Variants in ADARB2 observed in about 807,000 individuals in gnomAD.
The protein encoded by ADARB2 is inactive double-stranded RNA-specific editase B2.
A neutral mutation model predicts 62.2 loss-of-function variants in ADARB2; 25 were observed. The ratio of observed to expected loss-of-function variants is 0.40; its 90% CI spans 0.29 to 0.56. ADARB2 has a LOEUF of 0.56. Among genes scored for constraint, ADARB2 ranks in the 20% least tolerant of loss-of-function variants. The pLI is 0.43. For missense variants in ADARB2, 1,071 were observed against 1,077.4 expected, an observed-to-expected ratio of 0.99 and a Z score of 0.08; for synonymous variants, 572 against 500.8, an observed-to-expected ratio of 1.14 and a Z score of -1.90.
chr10:1,326,876 GGCACAGCGCCTCCCCACT>G (rs1831858555), intron 3 of ADARB2, among the ~76,000 whole-genome samples: 2 of 23,026 alleles, frequency 8.7e-5, no homozygotes, highest in Non-Finnish European at 1.8e-4. Flanking sequence ...GCCTCCCCAC[GGCACAGCGCCTCCCCACT>G]GCCCAGCGCC....
chr10:1,274,450 G>A (rs1282962914), intron 3 of ADARB2, among the ~76,000 whole-genome samples: 1 of 152,174 alleles, frequency 6.6e-6, no homozygotes, highest in Admixed American at 6.5e-5. Context: ...CCAATGACGT[G>A]TGTAGCTCTT....
chr10:1,209,451 A>T (rs1241102404), intron 7 of ADARB2, among the ~76,000 whole-genome samples: 1 of 141,902 alleles, frequency 7.0e-6, no homozygotes, highest in Non-Finnish European at 1.5e-5. Context: ...AGCCTGGCCC[A>T]CACCCACACC....
intron 1 of ADARB2, among the ~76,000 whole-genome samples, chr10:1,534,137 G>GT (rs11431049): frequency 0.21 from 29,249 of 136,908 alleles, 3,258 homozygotes; most frequent in Non-Finnish European, 0.25. Flanking sequence ...CATTGAAATA[G>GT]TTTTTTTTTT....
chr10:1,572,469 C>T (rs966411604), intron 1 of ADARB2, among the ~76,000 whole-genome samples: 1 of 152,100 alleles, frequency 6.6e-6, no homozygotes, highest in Non-Finnish European at 1.5e-5. Flanking sequence ...TGCCCTTTCT[C>T]GTCCATCTGA....
At chr10:1,347,757 C>G (rs148135197) in intron 3 of ADARB2, among the ~76,000 whole-genome samples, 1 of 152,174 alleles carries the variant, frequency 6.6e-6, no homozygotes, top group African/African-American at 2.4e-5. Flanking sequence ...CTGGACCCCA[C>G]GTACGCAGTG....
intron 1 of ADARB2, among the ~76,000 whole-genome samples, chr10:1,502,198 G>T (rs1156638715): frequency 6.6e-6 from 1 of 152,228 alleles, no homozygotes; most frequent in Non-Finnish European, 1.5e-5. Context: ...CTCAGTGGGG[G>T]CCCGGCCCCT....
rs557737372 is a variant in ADARB2 at position 1,695,741 on chromosome 10, T to C, written c.100+41310A>G. On this transcript the variant is annotated intron_variant, in intron 1 of 9. Transcript: ENST00000381312. The stretch of plus-strand genomic sequence containing the variant: ...ATGTATGTGAGACCATGCATGTGTA[T>C]GTATACATGGAAACATGCATGTGTA... Among the ~76,000 whole-genome samples the C allele has an allele frequency of 8.9e-4, 135 of 152,274 alleles. 1 individual carries two copies. Among genetic ancestry groups the C allele is most frequent in the Middle Eastern group, 3.4e-3 (1 of 292 alleles).
chr10:1,527,609 T>C (rs537530091), intron 1 of ADARB2, among the ~76,000 whole-genome samples: 2 of 152,352 alleles, frequency 1.3e-5, no homozygotes, highest in African/African-American at 4.8e-5. Flanking sequence ...GTAAAAAGAC[T>C]TGATATACAT....
intron 3 of ADARB2, among the ~76,000 whole-genome samples, chr10:1,356,708 G>A (rs1461354662): frequency 6.6e-6 from 1 of 152,162 alleles, no homozygotes; most frequent in Non-Finnish European, 1.5e-5. Flanking sequence ...GATGAAAAAT[G>A]GCACACACTG....
intron 3 of ADARB2, among the ~76,000 whole-genome samples, chr10:1,306,362 G>A (rs1176876027): frequency 3.3e-5 from 5 of 151,796 alleles, no homozygotes; most frequent in African/African-American, 9.7e-5. Context: ...GGGATGTGAA[G>A]GACCTCTTCA....
chr10:1,719,363 C>A (rs1369702784), intron 1 of ADARB2, among the ~76,000 whole-genome samples: 3 of 152,206 alleles, frequency 2.0e-5, no homozygotes, highest in Non-Finnish European at 4.4e-5. Flanking sequence ...ACCACTGATT[C>A]TTCTCTCATG....
chr10:1,685,884 G>A lies in ADARB2; in HGVS notation c.100+51167C>T, dbSNP rs181040810. On this transcript the variant is annotated intron_variant, in intron 1 of 9. Coordinates refer to ENST00000381312, the MANE Select transcript of ADARB2 (RefSeq NM_018702.4). Reference sequence around the variant, plus strand: ...CTTCAGCCCTCCAGTGGGGGAGGCTGAGTATGTGCAGGGCGGACGTGGCTG... The same window carrying A: ...CTTCAGCCCTCCAGTGGGGGAGGCTAAGTATGTGCAGGGCGGACGTGGCTG... 3.9e-5 allele frequency among the ~76,000 whole-genome samples: 6 copies of A among 152,324 alleles called. No homozygotes were observed. In the East Asian group the frequency reaches 9.7e-4, roughly 25 times the overall value.
At chr10:1,445,904 T>C (rs72762988) in intron 1 of ADARB2, among the ~76,000 whole-genome samples, 10,949 of 152,298 alleles carry the variant, frequency 0.072, 608 homozygotes, top group East Asian at 0.23. Context: ...TAGTGGGTCA[T>C]TCAATATTTT....
At chr10:1,413,395 TTCATCA>T (rs1832775384) in intron 1 of ADARB2, among the ~76,000 whole-genome samples, 1 of 152,076 alleles carries the variant, frequency 6.6e-6, no homozygotes, top group South Asian at 2.1e-4. Context: ...GAAAGTCTAT[TTCATCA>T]TGCCCAAGCT....
intron 4 of ADARB2, among the ~76,000 whole-genome samples, chr10:1,257,465 G>C (rs1173939712): frequency 1.3e-5 from 2 of 152,194 alleles, no homozygotes; most frequent in Non-Finnish European, 2.9e-5. Flanking sequence ...TTCAGGGTCA[G>C]CACTCAGGGA....
In ADARB2 at chr10:1,255,444, A is replaced by T. The variant is rs78521932; in HGVS notation, c.1193-13145T>A. ...CTGCTCACTCCACATAACATACAAC[A>T]CGACAAAGGCATTGAGAGAGCCCAG... On this transcript the variant is annotated intron_variant, in intron 4 of 9. Coordinates refer to ENST00000381312, the MANE Select transcript of ADARB2 (RefSeq NM_018702.4). This position sits in a 1 kb window ranked among gnomAD's most constrained non-coding sequence, Gnocchi z 4.7. Among the ~76,000 whole-genome samples the T allele has an allele frequency of 7.0e-4, 107 of 152,256 alleles. 1 individual carries two copies. In the East Asian group the frequency reaches 0.018, roughly 25 times the overall value.
chr10:1,324,413 T>C (rs1318849667), intron 3 of ADARB2, among the ~76,000 whole-genome samples: 1 of 152,230 alleles, frequency 6.6e-6, no homozygotes, highest in Admixed American at 6.5e-5. Flanking sequence ...TGGAAATTTA[T>C]GTTCACACAG....
chr10:1,561,977 G>T (rs1832791520), intron 1 of ADARB2, among the ~76,000 whole-genome samples: 1 of 152,188 alleles, frequency 6.6e-6, no homozygotes, highest in Non-Finnish European at 1.5e-5. Flanking sequence ...ATGCTTCTGT[G>T]AACTGCAGTC....
intron 1 of ADARB2, among the ~76,000 whole-genome samples, chr10:1,639,506 AC>A (rs1157662944): frequency 1.3e-5 from 2 of 152,152 alleles, no homozygotes; most frequent in African/African-American, 4.8e-5. Context: ...GCTGATCCTT[AC>A]CCTAAGAAAG....
Sources: allele counts gnomAD v4.1 joint callset (sites outside exome capture counted in the v4.1 genomes callset), GRCh38; gene constraint gnomAD v4.1.1; non-coding constraint Gnocchi (gnomAD v3.1); transcripts MANE v1.5; gene names NCBI Gene and HGNC (gene_info 2026-07-23, HGNC 2026-07-21).